The following CAB39L variants were observed in gnomAD, a reference collection of about 807,000 sequenced individuals.
CAB39L encodes the protein calcium-binding protein 39-like.
In CAB39L, 23 loss-of-function variants were observed where a neutral mutation model predicts 39.1. The observed-to-expected ratio is 0.59, with a 90% CI of 0.42 to 0.83. CAB39L has a LOEUF of 0.83. CAB39L is among the 40% of genes least tolerant of loss of function. The probability of loss-of-function intolerance (pLI) is 0.00; values close to 1 mark genes in which losing one functional copy is unlikely to be tolerated. For missense variants in CAB39L, 366 were observed against 391.9 expected, an observed-to-expected ratio of 0.93 and a Z score of 0.56; for synonymous variants, 126 against 137.2, an observed-to-expected ratio of 0.92 and a Z score of 0.57.
intron 3 of CAB39L, chr13:49,413,618 G>A (rs1395292902): frequency 1.3e-5 from 2 of 152,172 alleles, no homozygotes; most frequent in Non-Finnish European, 2.9e-5. Context: ...TGGACAGGGA[G>A]GGCACATATA....
chr13:49,325,973 C>T (rs1954485192), intron 10 of CAB39L, among the ~76,000 whole-genome samples: 1 of 152,108 alleles, frequency 6.6e-6, no homozygotes, highest in Admixed American at 6.5e-5. Context: ...CTTTTATATT[C>T]TGGAATAAGC....
intron 3 of CAB39L, among the ~76,000 whole-genome samples, chr13:49,393,268 C>T (rs902735312): frequency 6.6e-6 from 1 of 151,910 alleles, no homozygotes; most frequent in African/African-American, 2.4e-5. Context: ...AGTCAGAAAA[C>T]ATAATGAAAA....
intron 6 of CAB39L, chr13:49,351,158 G>T: frequency 3.0e-6 from 1 of 335,876 alleles, no homozygotes; most frequent in Non-Finnish European, 5.4e-6. Flanking sequence ...CTGGGGGTGG[G>T]GGGATGAGGC....
chr13:49,312,255 T>C (rs537690321), intron 10 of CAB39L, among the ~76,000 whole-genome samples: 6 of 152,328 alleles, frequency 3.9e-5, no homozygotes, highest in Admixed American at 6.5e-5. Flanking sequence ...TAGTGTAGTC[T>C]AAGCAGTGTT....
chr13:49,439,692 T>A (rs1957473174), intron 1 of CAB39L, among the ~76,000 whole-genome samples: 2 of 152,218 alleles, frequency 1.3e-5, no homozygotes, highest in South Asian at 4.1e-4. Flanking sequence ...TAATTTACAC[T>A]CCCACCAACC....
chr13:49,395,401 A>G (rs1956590555), intron 3 of CAB39L, among the ~76,000 whole-genome samples: 1 of 151,642 alleles, frequency 6.6e-6, no homozygotes, highest in East Asian at 1.9e-4. Flanking sequence ...ACGTTCGGCT[A>G]TTTTTGTATT....
At chr13:49,317,879 T>G (rs1214029157) in intron 10 of CAB39L, among the ~76,000 whole-genome samples, 2 of 152,130 alleles carry the variant, frequency 1.3e-5, no homozygotes, top group African/African-American at 2.4e-5. Context: ...CAGTGTCTTG[T>G]ATCCAGGATA....
In CAB39L at chr13:49,329,547, ATATATATATATATATATATATATATATAT is replaced by A. The variant is rs1954620000; in HGVS notation, c.834+2371_834+2399del. Reference sequence around the variant, plus strand: ...TATCTCTTCAATTAAAAAAAAAAATATATATATATATATATATATATATATATATATATATATATATATATATATAATGA... The same window carrying A: ...TATCTCTTCAATTAAAAAAAAAAATAATATATATATATATATATATAATGA... On this transcript the variant is annotated intron_variant, in intron 10 of 10. Transcript: ENST00000409308. Among the ~76,000 whole-genome samples the A allele has an allele frequency of 8.2e-4, 27 of 33,068 alleles. 1 individual carries two copies. The highest frequency in any genetic ancestry group is 1.0e-3 in the African/African-American group (11 of 10,518). The allele number at this position is 33,068 out of a possible 152,430, so 21.7% of individuals were successfully genotyped here.
intron 9 of CAB39L, among the ~76,000 whole-genome samples, chr13:49,335,259 T>TAC (rs953189671): frequency 3.9e-5 from 6 of 152,166 alleles, no homozygotes; most frequent in East Asian, 1.9e-4. Context: ...TTTGAAAATT[T>TAC]ACACACACAC....
At chr13:49,442,895 G>C (rs1957565002) in intron 1 of CAB39L, among the ~76,000 whole-genome samples, 1 of 150,908 alleles carries the variant, frequency 6.6e-6, no homozygotes, top group African/African-American at 2.4e-5. Context: ...TTGTTGATTA[G>C]GTTGTTCATC....
chr13:49,395,241 T>C (rs1351366489), intron 3 of CAB39L, among the ~76,000 whole-genome samples: 2 of 151,770 alleles, frequency 1.3e-5, no homozygotes, highest in Admixed American at 6.6e-5. Flanking sequence ...TTCTTTCTTT[T>C]TTTTTTTTTT....
chr13:49,410,272 T>C (rs890066714), intron 3 of CAB39L, among the ~76,000 whole-genome samples: 2 of 152,238 alleles, frequency 1.3e-5, no homozygotes, highest in African/African-American at 4.8e-5. Context: ...TCTCCACAAC[T>C]GGTACGCTTA....
intron 4 of CAB39L, among the ~76,000 whole-genome samples, chr13:49,381,897 ACATG>A (rs1368112143): frequency 3.3e-5 from 5 of 152,240 alleles, no homozygotes; most frequent in Admixed American, 3.3e-4. Flanking sequence ...CACTGCAGGC[ACATG>A]CATATCTTCG....
At chr13:49,390,537 A>G (rs1956466104) in intron 3 of CAB39L, among the ~76,000 whole-genome samples, 1 of 152,258 alleles carries the variant, frequency 6.6e-6, no homozygotes, top group Non-Finnish European at 1.5e-5. Context: ...GAAAATCAAG[A>G]ATATAAAAGA....
chr13:49,407,815 C>A (rs1053881386), intron 3 of CAB39L, among the ~76,000 whole-genome samples: 4 of 146,108 alleles, frequency 2.7e-5, no homozygotes, highest in Admixed American at 1.4e-4. Flanking sequence ...ATTGCTTGAG[C>A]CCAGGAGTTC....
intron 9 of CAB39L, among the ~76,000 whole-genome samples, chr13:49,337,813 C>T (rs1954889583): frequency 6.6e-6 from 1 of 151,574 alleles, no homozygotes; most frequent in African/African-American, 2.4e-5. Flanking sequence ...TCTCCTTTCC[C>T]TACTCTTCTT....
intron 10 of CAB39L, among the ~76,000 whole-genome samples, chr13:49,317,399 G>A (rs1566403578): frequency 6.6e-6 from 1 of 152,002 alleles, no homozygotes; most frequent in African/African-American, 2.4e-5. Context: ...GTGCCGTAGT[G>A]CACACCTGTA....
At chr13:49,419,157 G>A (rs1455795651) in intron 3 of CAB39L, among the ~76,000 whole-genome samples, 2 of 151,762 alleles carry the variant, frequency 1.3e-5, no homozygotes, top group Non-Finnish European at 2.9e-5. Flanking sequence ...TAGTAGAGAC[G>A]CAGTTTCACC....
chr13:49,425,743 A>G (rs1957235690), intron 3 of CAB39L, among the ~76,000 whole-genome samples: 1 of 152,240 alleles, frequency 6.6e-6, no homozygotes, highest in Non-Finnish European at 1.5e-5. Context: ...TGCAAAGTAC[A>G]TAGAATCAGG....
Sources: allele counts gnomAD v4.1 joint callset (sites outside exome capture counted in the v4.1 genomes callset), GRCh38; gene constraint gnomAD v4.1.1; transcripts MANE v1.5; gene names NCBI Gene and HGNC (gene_info 2026-07-23, HGNC 2026-07-21).